MIS18A: variants seen among roughly 807,000 people sequenced by gnomAD.
The protein encoded by MIS18A is protein Mis18-alpha.
MIS18A carries 14 observed loss-of-function variants against 25.0 expected under a neutral mutation model. The ratio of observed to expected loss-of-function variants is 0.56; its 90% CI spans 0.37 to 0.88. The LOEUF is 0.88. Ranked by LOEUF, MIS18A falls within the 40% of genes least tolerant of loss-of-function variation. The probability of loss-of-function intolerance (pLI) is 0.00; values close to 1 mark genes in which losing one functional copy is unlikely to be tolerated. For synonymous variants in MIS18A, 134 were observed against 118.6 expected (o/e 1.13, Z -0.84); for missense variants, 292 against 290.8 (o/e 1.00, Z -0.03).
At chr21:32,246,121 G>A in the MIS18A span, among the ~76,000 whole-genome samples, 326 of 152,212 alleles carry the variant, frequency 2.1e-3, 2 homozygotes, top group Non-Finnish European at 3.1e-3. Flanking sequence ...GGACAGTATC[G>A]AGGGGATGGT....
chr21:32,255,892 A>C, the MIS18A span, among the ~76,000 whole-genome samples: 17 of 147,006 alleles, frequency 1.2e-4, no homozygotes, highest in Non-Finnish European at 2.1e-4. Context: ...CTCTGTCCCA[A>C]AAAAAAAAAA....
the MIS18A span, among the ~76,000 whole-genome samples, chr21:32,243,202 C>T: frequency 5.5e-4 from 83 of 152,212 alleles, 1 homozygote; most frequent in Admixed American, 4.8e-3. Flanking sequence ...GCAAAGAGTT[C>T]GTAGATATGA....
At chr21:32,212,051 C>T in the MIS18A span, among the ~76,000 whole-genome samples, 9 of 152,228 alleles carry the variant, frequency 5.9e-5, no homozygotes, top group East Asian at 1.5e-3. Flanking sequence ...ATTAATAATG[C>T]CTTTTTACCA....
chr21:32,161,753 A>G, the MIS18A span, among the ~76,000 whole-genome samples: 6 of 149,840 alleles, frequency 4.0e-5, no homozygotes, highest in Non-Finnish European at 7.4e-5. Context: ...TGGCCTCCCA[A>G]AGTGCTGGGA....
At chr21:32,194,060 A>C in the MIS18A span, among the ~76,000 whole-genome samples, 1 of 152,170 alleles carries the variant, frequency 6.6e-6, no homozygotes, top group African/African-American at 2.4e-5. Context: ...CAGTTCTGAA[A>C]TGATGAGGCT....
chr21:32,244,515 T>A, the MIS18A span, among the ~76,000 whole-genome samples: 6 of 152,014 alleles, frequency 3.9e-5, no homozygotes, highest in African/African-American at 1.2e-4. Flanking sequence ...GGTGGGAGGA[T>A]CACTTGAGTC....
chr21:32,190,543 C>T, the MIS18A span, among the ~76,000 whole-genome samples: 28 of 152,270 alleles, frequency 1.8e-4, no homozygotes, highest in East Asian at 5.4e-3. Context: ...GCAATAAGAA[C>T]ACATTTTTTA....
the MIS18A span, among the ~76,000 whole-genome samples, chr21:32,246,120 C>T: frequency 1.5e-3 from 224 of 152,242 alleles, 5 homozygotes; most frequent in East Asian, 0.04. Context: ...AGGACAGTAT[C>T]GAGGGGATGG....
At chr21:32,247,775 C>T in the MIS18A span, among the ~76,000 whole-genome samples, 1 of 152,162 alleles carries the variant, frequency 6.6e-6, no homozygotes, top group Non-Finnish European at 1.5e-5. Context: ...ACCAACTCTG[C>T]CCGCACCTCG....
At chr21:32,256,355 T>C in the MIS18A span, among the ~76,000 whole-genome samples, 3 of 152,270 alleles carry the variant, frequency 2.0e-5, no homozygotes, top group Non-Finnish European at 4.4e-5. Flanking sequence ...TTCATTTCTC[T>C]ATTCCATTCC....
At chr21:32,179,650 T>C in the MIS18A span, among the ~76,000 whole-genome samples, 2 of 152,224 alleles carry the variant, frequency 1.3e-5, no homozygotes, top group African/African-American at 4.8e-5. Context: ...TTAGCTGCTA[T>C]GTACTGAGAG....
At chr21:32,265,973 A>G (rs1385721294), downstream of MIS18A, among the ~76,000 whole-genome samples, 2 of 152,142 alleles carry the variant, frequency 1.3e-5, no homozygotes, top group Non-Finnish European at 2.9e-5. Context: ...AAATACACCA[A>G]TCAGCACCCT....
the MIS18A span, among the ~76,000 whole-genome samples, chr21:32,254,400 A>G: frequency 1.4e-5 from 2 of 147,500 alleles, no homozygotes; most frequent in Admixed American, 6.8e-5. Flanking sequence ...GTGTGGTGGC[A>G]GGCACCTGTA....
the MIS18A span, among the ~76,000 whole-genome samples, chr21:32,262,413 G>A: frequency 5.3e-5 from 8 of 152,284 alleles, no homozygotes; most frequent in South Asian, 1.5e-3. Context: ...TCAAACACAC[G>A]TTTTACTTTC....
At chr21:32,205,222 A>G in the MIS18A span, among the ~76,000 whole-genome samples, 6 of 144,608 alleles carry the variant, frequency 4.1e-5, no homozygotes, top group Non-Finnish European at 8.9e-5. Flanking sequence ...CTCCTGCCTC[A>G]GCCTCCTGAG....
chr21:32,192,354 C>G, the MIS18A span, among the ~76,000 whole-genome samples: 49 of 152,312 alleles, frequency 3.2e-4, 1 homozygote, highest in South Asian at 0.01. Flanking sequence ...CGCGTGGCTG[C>G]GTCTCCCCTC....
intron 3 of MIS18A, among the ~76,000 whole-genome samples, chr21:32,270,169 TA>T (rs2123463671): frequency 6.6e-6 from 1 of 152,100 alleles, no homozygotes; most frequent in South Asian, 2.1e-4. Flanking sequence ...AACAACTGAA[TA>T]TACTTTTATT....
chr21:32,190,694 C>CGG, the MIS18A span, among the ~76,000 whole-genome samples: 1 of 152,170 alleles, frequency 6.6e-6, no homozygotes, highest in South Asian at 2.1e-4. Flanking sequence ...GATCTAACAA[C>CGG]GGGGACTGAG....
At chr21:32,192,553 A>G in the MIS18A span, among the ~76,000 whole-genome samples, 1 of 152,022 alleles carries the variant, frequency 6.6e-6, no homozygotes, top group Non-Finnish European at 1.5e-5. Context: ...CAACTCCATC[A>G]TCTGGTTATG....
Sources: allele counts gnomAD v4.1 joint callset (sites outside exome capture counted in the v4.1 genomes callset), GRCh38; gene constraint gnomAD v4.1.1; transcripts MANE v1.5; gene names NCBI Gene and HGNC (gene_info 2026-07-23, HGNC 2026-07-21).